AK4: variants seen among roughly 807,000 people sequenced by gnomAD.
AK4 encodes the protein adenylate kinase 4.
In AK4, 13 loss-of-function variants were observed where a neutral mutation model predicts 24.6. The observed-to-expected ratio is 0.53, with a 90% CI of 0.34 to 0.84. The LOEUF is 0.84. AK4 is among the 40% of genes least tolerant of loss of function. The pLI, the probability that AK4 is intolerant of heterozygous loss-of-function variation, is 0.01. For synonymous variants in AK4, 88 were observed against 107.0 expected, an observed-to-expected ratio of 0.82 and a Z score of 1.10; for missense variants, 192 against 288.2, an observed-to-expected ratio of 0.67 and a Z score of 2.42.
chr1:65,151,519 G>A (rs899111561), intron 1 of AK4, among the ~76,000 whole-genome samples: 4 of 152,128 alleles, frequency 2.6e-5, no homozygotes, highest in Admixed American at 1.3e-4. Flanking sequence ...GGGATTACAG[G>A]TGTGAGCCAC....
chr1:65,191,400 A>G (rs1056347820), intron 2 of AK4, among the ~76,000 whole-genome samples: 3 of 152,144 alleles, frequency 2.0e-5, no homozygotes, highest in African/African-American at 7.2e-5. Flanking sequence ...TACTGACACT[A>G]TAAAAGAATC....
chr1:65,201,484 A>G lies in AK4; in HGVS notation c.265+10655A>G, dbSNP rs544978136. Reference sequence around the variant, plus strand: ...AGGGGACAATATGGAAAACATATGTATACACATATTTGACTGGACCCTAGC... The same window carrying G: ...AGGGGACAATATGGAAAACATATGTGTACACATATTTGACTGGACCCTAGC... On this transcript the variant is annotated intron_variant, in intron 2 of 4. Transcript: ENST00000327299. 3.2e-4 allele frequency among the ~76,000 whole-genome samples: 49 copies of G among 152,356 alleles called. 1 individual carries two copies. The highest frequency in any genetic ancestry group is 1.2e-3 in the African/African-American group (48 of 41,570).
intron 1 of AK4, among the ~76,000 whole-genome samples, chr1:65,183,691 G>GTA (rs1553123926): frequency 7.5e-6 from 1 of 134,060 alleles, no homozygotes; most frequent in African/African-American, 2.7e-5. Context: ...GTGTGTGTGT[G>GTA]TGTATGTATG....
intron 2 of AK4, among the ~76,000 whole-genome samples, chr1:65,200,292 T>C (rs1318838632): frequency 6.6e-6 from 1 of 152,184 alleles, no homozygotes; most frequent in African/African-American, 2.4e-5. Flanking sequence ...TTTTTGTATT[T>C]TTAGTAGAGA....
intron 1 of AK4, among the ~76,000 whole-genome samples, chr1:65,177,415 A>G (rs1020256181): frequency 3.9e-5 from 6 of 152,200 alleles, no homozygotes; most frequent in African/African-American, 1.4e-4. Flanking sequence ...ATTTATTAGG[A>G]CACTTTTAGG....
In AK4 at chr1:65,229,194, T is replaced by C. The variant is rs1652560650; in HGVS notation, c.*3017T>C. 6.6e-6 allele frequency: 1 copy of C among 152,086 alleles called. No individual in the cohort carries two copies. The highest frequency in any genetic ancestry group is 2.1e-4 in the South Asian group (1 of 4,804). 9.4% of individuals were successfully genotyped at this position (152,086 alleles called of 1,614,324 possible). A position where few individuals can be genotyped will look rare whatever the true frequency, so the allele number is the denominator to read the frequency against. ...TTTCCTGGATGTTATTAATAGCTAATTGTGTCCAAGCAACCAAGGGCCTTG... is the reference window on the plus strand; with the variant it reads ...TTTCCTGGATGTTATTAATAGCTAACTGTGTCCAAGCAACCAAGGGCCTTG... On this transcript the variant is annotated 3_prime_UTR_variant, in exon 5 of 5. Transcript: ENST00000327299.
intron 3 of AK4, among the ~76,000 whole-genome samples, chr1:65,224,126 G>T (rs560368292): frequency 6.6e-6 from 1 of 152,126 alleles, no homozygotes; most frequent in Non-Finnish European, 1.5e-5. Flanking sequence ...TCCAACACCA[G>T]CTTACCTTTT....
rs1336472 is a variant in AK4 at position 65,230,247 on chromosome 1, G to A, written c.*4070G>A. On this transcript the variant is annotated 3_prime_UTR_variant, in exon 5 of 5. Transcript: ENST00000327299. ...AGGAGAAAGGTAAGAATAGCCATCA[G>A]TGAGGAAGGATTCTTGGAGCGAGGA... 0.56 allele frequency: 85,219 copies of A among 152,014 alleles called. 27,618 individuals are homozygous for A. The highest frequency in any genetic ancestry group is 0.89 in the African/African-American group (36,899 of 41,488). 9.4% of individuals were successfully genotyped at this position (152,014 alleles called of 1,614,324 possible). A position where few individuals can be genotyped will look rare whatever the true frequency, so the allele number is the denominator to read the frequency against.
At chr1:65,166,310 C>CTGTGTGTGTGTGTGTGTG (rs34870729) in intron 1 of AK4, among the ~76,000 whole-genome samples, 4 of 143,008 alleles carry the variant, frequency 2.8e-5, no homozygotes, top group Non-Finnish European at 6.1e-5. Flanking sequence ...GGGATTTAAG[C>CTGTGTGTGTGTGTGTGTG]TGTGTGTGTG....
At chr1:65,176,253 A>T (rs1305064473) in intron 1 of AK4, among the ~76,000 whole-genome samples, 1 of 152,102 alleles carries the variant, frequency 6.6e-6, no homozygotes, top group Admixed American at 6.6e-5. Flanking sequence ...TTGTCCATGC[A>T]TCTTTTTATC....
At chr1:65,163,663 A>G (rs1316184211) in intron 1 of AK4, among the ~76,000 whole-genome samples, 1 of 152,258 alleles carries the variant, frequency 6.6e-6, no homozygotes, top group African/African-American at 2.4e-5. Flanking sequence ...TGCTGCCTAG[A>G]CAGAGCGGAT....
At chr1:65,195,346 AACTAT>A (rs200078671) in intron 2 of AK4, among the ~76,000 whole-genome samples, 6,268 of 152,216 alleles carry the variant, frequency 0.041, 277 homozygotes, top group African/African-American at 0.11. Context: ...AGAACATTCA[AACTAT>A]AGCACCCCCC....
At chr1:65,173,891 A>C (rs1178135860) in intron 1 of AK4, among the ~76,000 whole-genome samples, 1 of 151,104 alleles carries the variant, frequency 6.6e-6, no homozygotes, top group Non-Finnish European at 1.5e-5. Context: ...TACTTAGCTG[A>C]GGTGGTTGTA....
chr1:65,224,951 C>G, intron 4 of AK4, 81 bp downstream of exon 4: 1 of 1,065,482 alleles, frequency 9.4e-7, no homozygotes, highest in Non-Finnish European at 1.4e-6. Context: ...GGGGCTGAGG[C>G]AGAGTAGTGT....
Position 65,229,548 on chromosome 1 carries a change from TAGC to T in AK4, c.*3374_*3376del, listed in dbSNP as rs1440324775. On this transcript the variant is annotated 3_prime_UTR_variant, in exon 5 of 5. Coordinates refer to ENST00000327299, the MANE Select transcript of AK4 (RefSeq NM_013410.4). ...GACCCTCTCTCTTAAAAAAAAAAAATAGCAGAGCTCACCAAAGTGATGTTCACC... is the reference window on the plus strand; with the variant it reads ...GACCCTCTCTCTTAAAAAAAAAAAATAGAGCTCACCAAAGTGATGTTCACC... The T allele has an allele frequency of 2.7e-5, 4 of 150,474 alleles. No homozygotes were observed. Among genetic ancestry groups the T allele is most frequent in the African/African-American group, 7.3e-5 (3 of 41,016 alleles). The allele number at this position is 150,474 out of a possible 1,614,324, so 9.3% of individuals were successfully genotyped here.
chr1:65,201,663 G>T (rs183926277), intron 2 of AK4, among the ~76,000 whole-genome samples: 168 of 152,276 alleles, frequency 1.1e-3, no homozygotes, highest in Non-Finnish European at 2.1e-3. Context: ...GTAGGGTCTT[G>T]GGAGCACCAG....
intron 1 of AK4, among the ~76,000 whole-genome samples, chr1:65,152,384 A>ATATTTT (rs1557434593): frequency 6.1e-5 from 1 of 16,464 alleles, no homozygotes; most frequent in African/African-American, 1.6e-4. Context: ...ATATATATAT[A>ATATTTT]TTTTTTTTTT....
chr1:65,187,518 GTA>G (rs1651143334), intron 1 of AK4, among the ~76,000 whole-genome samples: 1 of 152,108 alleles, frequency 6.6e-6, no homozygotes, highest in Non-Finnish European at 1.5e-5. Flanking sequence ...GGTGATGGTT[GTA>G]CAACATTGAG....
chr1:65,194,220 A>G (rs1461679317), intron 2 of AK4, among the ~76,000 whole-genome samples: 1 of 152,266 alleles, frequency 6.6e-6, no homozygotes, highest in Non-Finnish European at 1.5e-5. Flanking sequence ...GTAACCACAC[A>G]GCAGCTTGAA....
Sources: allele counts gnomAD v4.1 joint callset (sites outside exome capture counted in the v4.1 genomes callset), GRCh38; gene constraint gnomAD v4.1.1; transcripts MANE v1.5; gene names NCBI Gene and HGNC (gene_info 2026-07-23, HGNC 2026-07-21).